The following DNAH14 variants were observed in gnomAD, a reference collection of about 807,000 sequenced individuals.
DNAH14 encodes axonemal beta dynein heavy chain 14.
A neutral mutation model predicts 520.9 loss-of-function variants in DNAH14; 478 were observed. The observed-to-expected ratio is 0.92, with a 90% CI of 0.85 to 0.99. DNAH14 has a LOEUF of 0.99. Ranked by LOEUF, DNAH14 falls within the 50% of genes least tolerant of loss-of-function variation. The pLI, the probability that DNAH14 is intolerant of heterozygous loss-of-function variation, is 0.00. For missense variants in DNAH14, 4,831 were observed against 5,234.5 expected (o/e 0.92, Z 2.38); for synonymous variants, 1,581 against 1,757.2 (o/e 0.90, Z 2.51).
chr1:225,234,233 G>C (rs2091379237), intron 42 of DNAH14, among the ~76,000 whole-genome samples: 1 of 152,076 alleles, frequency 6.6e-6, no homozygotes, highest in Non-Finnish European at 1.5e-5. Context: ...ATGCTACCCA[G>C]GCTGGAGTGC....
intron 8 of DNAH14, among the ~76,000 whole-genome samples, chr1:224,991,665 T>G (rs2063059699): frequency 6.6e-6 from 1 of 152,044 alleles, no homozygotes; most frequent in Admixed American, 6.6e-5. Flanking sequence ...TCTTTCCTTT[T>G]TTTCTTTTCA....
chr1:224,952,963 C>A (rs1037706615), intron 2 of DNAH14, 184 bp downstream of exon 2: 2 of 400,456 alleles, frequency 5.0e-6, no homozygotes, highest in Non-Finnish European at 4.4e-6. Context: ...GGCAAATTAA[C>A]CCTGGTTGTT....
chr1:225,242,608 A>G (rs1300708747), intron 43 of DNAH14, among the ~76,000 whole-genome samples: 1 of 152,188 alleles, frequency 6.6e-6, no homozygotes, highest in Admixed American at 6.6e-5. Flanking sequence ...GGAATACCAC[A>G]TGAAGGACCT....
chr1:225,370,232 A>G (rs1379686834), intron 77 of DNAH14, among the ~76,000 whole-genome samples: 1 of 152,142 alleles, frequency 6.6e-6, no homozygotes. Flanking sequence ...CAGTGAGCTG[A>G]GATCACAGCA....
chr1:225,036,868 C>G (rs542191574), intron 11 of DNAH14, among the ~76,000 whole-genome samples: 1 of 152,178 alleles, frequency 6.6e-6, no homozygotes, highest in African/African-American at 2.4e-5. Flanking sequence ...TGCTCCTGCT[C>G]TGTCAATAAT....
intron 27 of DNAH14, among the ~76,000 whole-genome samples, chr1:225,134,178 T>G (rs55681905): frequency 0.069 from 10,510 of 152,134 alleles, 581 homozygotes; most frequent in East Asian, 0.24. Flanking sequence ...CAAATAAAGA[T>G]AATTTGACCT....
At chr1:225,058,437 C>G (rs2069480619) in intron 17 of DNAH14, among the ~76,000 whole-genome samples, 1 of 152,056 alleles carries the variant, frequency 6.6e-6, no homozygotes, top group East Asian at 1.9e-4. Context: ...CTTTATTAGT[C>G]TTGCTAGTGG....
intron 51 of DNAH14, 88 bp downstream of exon 51, chr1:225,272,161 A>G (rs1574434403): frequency 4.2e-5 from 54 of 1,284,364 alleles, no homozygotes; most frequent in Admixed American, 5.8e-5. Flanking sequence ...TAGAAGGGGA[A>G]AAAAGGGAAA....
intron 46 of DNAH14, among the ~76,000 whole-genome samples, chr1:225,260,587 G>A (rs2092900691): frequency 6.7e-6 from 1 of 149,742 alleles, no homozygotes; most frequent in African/African-American, 2.5e-5. Context: ...TTGAAATCAG[G>A]TAGGGTGATG....
intron 3 of DNAH14, among the ~76,000 whole-genome samples, chr1:224,956,944 AT>A (rs1344823140): frequency 6.6e-6 from 1 of 152,166 alleles, no homozygotes; most frequent in Non-Finnish European, 1.5e-5. Context: ...CTAGATAGGG[AT>A]ACAAGTGTTG....
chr1:224,968,088 C>T (rs1265502382), intron 6 of DNAH14, among the ~76,000 whole-genome samples: 1 of 151,962 alleles, frequency 6.6e-6, no homozygotes, highest in Admixed American at 6.6e-5. Context: ...ATAAAATGAA[C>T]TTTATTAGTG....
At chr1:225,330,433 G>A (rs756416821) in intron 64 of DNAH14, among the ~76,000 whole-genome samples, 14 of 152,134 alleles carry the variant, frequency 9.2e-5, no homozygotes, top group Non-Finnish European at 1.8e-4. Flanking sequence ...AATGGATAAC[G>A]AAAATGTTGT....
intron 20 of DNAH14, among the ~76,000 whole-genome samples, chr1:225,083,355 G>T (rs2073362439): frequency 1.3e-5 from 2 of 151,932 alleles, no homozygotes; most frequent in Admixed American, 1.3e-4. Context: ...TAAATGATCT[G>T]TTGTAATGAG....
rs115240788 is a variant in DNAH14 at position 225,080,725 on chromosome 1, A to T, written c.3113A>T (p.His1038Leu). The change falls in exon 19 of 86, where the codon CAC becomes CTC. Residue 1038 changes from histidine (H) to leucine (L), a missense_variant. Coordinates refer to ENST00000682510, the MANE Select transcript of DNAH14 (RefSeq NM_001367479.1). ...SVQRNVSKLMHIISVLEKGLP... is the reference protein window; with the variant it reads ...SVQRNVSKLMLIISVLEKGLP... ...CAGAGAAATGTTTCAAAACTGATGCACATAATCTCGGTACTAGAAAAAGGT... is the reference window on the plus strand; with the variant it reads ...CAGAGAAATGTTTCAAAACTGATGCTCATAATCTCGGTACTAGAAAAAGGT... 9,254 of 1,528,152 alleles carry T rather than the reference A, an allele frequency of 6.1e-3. 39 individuals carry two copies. The highest frequency in any genetic ancestry group is 7.1e-3 in the Non-Finnish European group (8,107 of 1,136,254). 94.7% of individuals were successfully genotyped at this position (1,528,152 alleles called of 1,614,324 possible).
chr1:225,274,800 T>C (rs2093425820), intron 52 of DNAH14, among the ~76,000 whole-genome samples: 1 of 152,172 alleles, frequency 6.6e-6, no homozygotes, highest in African/African-American at 2.4e-5. Context: ...ATGGACCAAA[T>C]CTTTCTTAAG....
intron 17 of DNAH14, among the ~76,000 whole-genome samples, chr1:225,078,869 T>TCTCTCTCTCTCCCTCTCTCC (rs2072736163): frequency 7.7e-5 from 1 of 12,950 alleles, no homozygotes; most frequent in Non-Finnish European, 1.8e-4. Context: ...CCTCTCTCTC[T>TCTCTCTCTCTCCCTCTCTCC]CTCTCTCTCT....
chr1:225,310,861 G>T (rs2094350585), intron 60 of DNAH14, among the ~76,000 whole-genome samples: 1 of 152,108 alleles, frequency 6.6e-6, no homozygotes, highest in African/African-American at 2.4e-5. Context: ...TGGGCATTTG[G>T]GTTGGTTCCA....
At chr1:225,273,211 T>C (rs2093360423) in intron 52 of DNAH14, 86 bp downstream of exon 52, 2 of 1,363,434 alleles carry the variant, frequency 1.5e-6, no homozygotes, top group African/African-American at 1.5e-5. Context: ...AGCGGGCAGA[T>C]CACGAGGTCA....
chr1:224,960,432 C>T, intron 4 of DNAH14, 130 bp downstream of exon 4: 1 of 1,029,290 alleles, frequency 9.7e-7, no homozygotes. Context: ...TGTTTGGTTG[C>T]TTAAGGATTA....
Sources: gnomAD v4.1 joint callset for allele counts (sites outside exome capture counted in the v4.1 genomes callset) on GRCh38, gnomAD v4.1.1 for gene constraint, MANE v1.5 for transcripts, NCBI Gene and HGNC (gene_info 2026-07-23, HGNC 2026-07-21) for gene names.